Variants in ASB4 observed in about 807,000 individuals in gnomAD.
ASB4 encodes the protein ankyrin repeat and SOCS box containing 4, also known as ankyrin repeat and SOCS box protein 4.
In ASB4, 35 loss-of-function variants were observed where a neutral mutation model predicts 38.6. That is an observed-to-expected ratio of 0.91 (90% confidence interval 0.69 to 1.20). The LOEUF is 1.20. ASB4 is among the 50% of genes most tolerant of loss of function. ASB4 has a pLI of 0.00. For missense variants in ASB4, 557 were observed against 527.2 expected (o/e 1.06, Z -0.55); for synonymous variants, 195 against 201.3 (o/e 0.97, Z 0.26).
At chr7:95,505,919 G>C (rs1460738943) in intron 2 of ASB4, among the ~76,000 whole-genome samples, 2 of 151,914 alleles carry the variant, frequency 1.3e-5, no homozygotes, top group African/African-American at 4.8e-5. Context: ...TTAGAGACAG[G>C]GTTTCACTCT....
At chr7:95,494,296 A>C (rs561297692) in intron 1 of ASB4, among the ~76,000 whole-genome samples, 1 of 152,318 alleles carries the variant, frequency 6.6e-6, no homozygotes, top group Non-Finnish European at 1.5e-5. Flanking sequence ...TAGATTTCTT[A>C]TGACCTTATC....
downstream of ASB4, chr7:95,543,548 G>A (rs1790997181): frequency 6.6e-6 from 1 of 152,334 alleles, no homozygotes; most frequent in Non-Finnish European, 1.5e-5. Context: ...ATGGACCACG[G>A]AAGGCAGGTG....
At chr7:95,475,234 C>T (rs1046863074), upstream of ASB4, among the ~76,000 whole-genome samples, 2 of 152,158 alleles carry the variant, frequency 1.3e-5, no homozygotes, top group African/African-American at 4.8e-5. Flanking sequence ...TAGGTAGGGT[C>T]ATATACTATA....
Position 95,537,697 on chromosome 7 carries a change from C to G in ASB4, c.1219C>G (p.Leu407Val). The change falls in exon 5 of 5, where the codon CTT becomes GTT. Residue 407 changes from leucine to valine, a missense_variant. Physicochemically the swap from Leu to Val is conservative, Grantham distance 32. Coordinates refer to ENST00000325885, the MANE Select transcript of ASB4 (RefSeq NM_016116.3). ...HNRCHRAIPL[L>V]SLPLSLKKYL... Reference sequence around the variant, plus strand: ...CAGATGCCATAGAGCAATTCCTTTGCTTTCCCTCCCATTGTCATTGAAAAA... The same window carrying G: ...CAGATGCCATAGAGCAATTCCTTTGGTTTCCCTCCCATTGTCATTGAAAAA... 1.2e-6 allele frequency: 2 copies of G among 1,613,928 alleles called. No homozygotes were observed. The highest frequency in any genetic ancestry group is 1.7e-6 in the Non-Finnish European group (2 of 1,179,858).
intron 1 of ASB4, among the ~76,000 whole-genome samples, chr7:95,486,624 T>G (rs1790094782): frequency 6.6e-6 from 1 of 152,198 alleles, no homozygotes; most frequent in Non-Finnish European, 1.5e-5. Context: ...CTCCCCAACA[T>G]TTGGAGGGTT....
At chr7:95,534,008 A>C (rs1384659198) in intron 3 of ASB4, among the ~76,000 whole-genome samples, 1 of 152,082 alleles carries the variant, frequency 6.6e-6, no homozygotes, top group African/African-American at 2.4e-5. Context: ...TAATAACTCC[A>C]TCTTAGCTTT....
intron 2 of ASB4, among the ~76,000 whole-genome samples, chr7:95,515,496 A>G (rs747511915): frequency 7.5e-6 from 1 of 134,190 alleles, no homozygotes; most frequent in South Asian, 2.4e-4. Context: ...GCTCACTGCA[A>G]CCTCTGCATC....
chr7:95,472,924 T>TTC, the ASB4 span, among the ~76,000 whole-genome samples: 1 of 152,202 alleles, frequency 6.6e-6, no homozygotes, highest in East Asian at 1.9e-4. Flanking sequence ...AAAATCAAAC[T>TTC]GTCTCAGTAC....
intron 2 of ASB4, among the ~76,000 whole-genome samples, chr7:95,499,561 A>G (rs1396885095): frequency 1.3e-5 from 2 of 152,196 alleles, no homozygotes; most frequent in East Asian, 3.9e-4. Context: ...AAACAGTGTT[A>G]AAAGCCAGAT....
chr7:95,497,624 T>G (rs1173784747), intron 2 of ASB4, among the ~76,000 whole-genome samples: 1 of 152,214 alleles, frequency 6.6e-6, no homozygotes, highest in Admixed American at 6.5e-5. Context: ...TTGAGAAATA[T>G]TGTTTTTGTG....
In ASB4 at chr7:95,538,884, G is replaced by C; in HGVS notation, c.*1125G>C. The C allele has an allele frequency of 6.6e-6, 1 of 152,194 alleles. No homozygotes were observed. Among genetic ancestry groups the C allele is most frequent in the East Asian group, 1.9e-4 (1 of 5,192 alleles). 9.4% of individuals were successfully genotyped at this position (152,194 alleles called of 1,614,324 possible). A position where few individuals can be genotyped will look rare whatever the true frequency, so the allele number is the denominator to read the frequency against. ...TAGCATTGTAGCTAAGAGATAAGGAGCACTTTGCTAGTGACAGTGGGCTAC... is the reference window on the plus strand; with the variant it reads ...TAGCATTGTAGCTAAGAGATAAGGACCACTTTGCTAGTGACAGTGGGCTAC... On this transcript the variant is annotated 3_prime_UTR_variant, in exon 5 of 5. Coordinates refer to ENST00000325885, the MANE Select transcript of ASB4 (RefSeq NM_016116.3).
At chr7:95,535,931 G>T (rs1279531594) in intron 3 of ASB4, among the ~76,000 whole-genome samples, 1 of 152,138 alleles carries the variant, frequency 6.6e-6, no homozygotes, top group Non-Finnish European at 1.5e-5. Flanking sequence ...TGAATTTTTT[G>T]ATAAAATGTT....
At chr7:95,547,071 G>A in the ASB4 span, among the ~76,000 whole-genome samples, 6 of 152,184 alleles carry the variant, frequency 3.9e-5, no homozygotes. Flanking sequence ...CTGTCTGCCA[G>A]TCTCTACCAC....
intron 2 of ASB4, among the ~76,000 whole-genome samples, chr7:95,517,880 A>G (rs918530127): frequency 3.3e-5 from 5 of 152,158 alleles, no homozygotes; most frequent in Non-Finnish European, 5.9e-5. Context: ...AAAGGGAGAA[A>G]AGAGTTGCAA....
At chr7:95,529,457 CTTAG>C (rs1790789877) in intron 3 of ASB4, among the ~76,000 whole-genome samples, 1 of 152,154 alleles carries the variant, frequency 6.6e-6, no homozygotes, top group South Asian at 2.1e-4. Context: ...CAGTGTGAGG[CTTAG>C]TTAGAAGAAA....
At position 95,495,988 on chromosome 7, in the gene ASB4, G is replaced by T. The variant is rs762150698; in HGVS notation, c.418G>T (p.Gly140Ter). The T allele has an allele frequency of 1.2e-6, 2 of 1,613,924 alleles. No individual in the cohort carries two copies. Among genetic ancestry groups the T allele is most frequent in the South Asian group, 2.2e-5 (2 of 91,076 alleles). The stretch of plus-strand genomic sequence containing the variant: ...AAAGCTCAATTGCTACTCCTTAAGT[G>T]GACACACAGCTTTGCACTTTTGTAC... ...GAKLNCYSLS[G>*]HTALHFCTTP... Residue 140 changes from glycine to a stop codon, truncating the protein, a stop_gained, in exon 2 of 5, where the codon GGA becomes TGA. Transcript: ENST00000325885. LOFTEE classifies it high-confidence loss of function.
At chr7:95,546,411 T>C in the ASB4 span, among the ~76,000 whole-genome samples, 1 of 151,924 alleles carries the variant, frequency 6.6e-6, no homozygotes, top group Non-Finnish European at 1.5e-5. Flanking sequence ...TAGTTTCCAA[T>C]GATTCTTAAA....
chr7:95,508,427 T>C (rs573407393), intron 2 of ASB4, among the ~76,000 whole-genome samples: 5 of 152,188 alleles, frequency 3.3e-5, no homozygotes, highest in South Asian at 2.1e-4. Context: ...TTGAAATAAT[T>C]GTTAGAGAGG....
chr7:95,508,475 T>C (rs1790439876), intron 2 of ASB4, among the ~76,000 whole-genome samples: 2 of 152,200 alleles, frequency 1.3e-5, no homozygotes, highest in Admixed American at 6.5e-5. Context: ...GAATAATTAT[T>C]ATAGGGAATT....
Sources: allele counts gnomAD v4.1 joint callset (sites outside exome capture counted in the v4.1 genomes callset), GRCh38; gene constraint gnomAD v4.1.1; transcripts MANE v1.5; gene names NCBI Gene and HGNC (gene_info 2026-07-23, HGNC 2026-07-21).